The following CNTNAP2 variants were observed in gnomAD, a reference collection of about 807,000 sequenced individuals.
CNTNAP2 encodes contactin associated protein 2, also known as contactin-associated protein-like 2.
In CNTNAP2, 98 loss-of-function variants were observed where a neutral mutation model predicts 155.2. That is an observed-to-expected ratio of 0.63 (90% CI 0.54 to 0.75). CNTNAP2 has a LOEUF of 0.75. CNTNAP2 is among the 30% of genes least tolerant of loss of function. The pLI is 0.00. For missense variants in CNTNAP2, 1,727 were observed against 1,688.1 expected (o/e 1.02, Z -0.40); for synonymous variants, 651 against 631.2 (o/e 1.03, Z -0.47).
chr7:146,508,654 C>G (rs771650793), intron 1 of CNTNAP2, among the ~76,000 whole-genome samples: 3 of 152,204 alleles, frequency 2.0e-5, no homozygotes, highest in Non-Finnish European at 4.4e-5. Flanking sequence ...GTTTCCTAAT[C>G]AAACACAAAA....
chr7:148,160,920 C>G (rs1805521455), intron 17 of CNTNAP2, among the ~76,000 whole-genome samples: 1 of 152,158 alleles, frequency 6.6e-6, no homozygotes. Flanking sequence ...CAGATGTTGA[C>G]ACTTCTACCC....
intron 8 of CNTNAP2, among the ~76,000 whole-genome samples, chr7:147,282,061 G>A (rs553447921): frequency 2.0e-5 from 3 of 151,766 alleles, no homozygotes; most frequent in Non-Finnish European, 4.4e-5. Context: ...GACTTAATTC[G>A]CTCATCCGGC....
chr7:148,115,814 A>G (rs1334382079), intron 15 of CNTNAP2, among the ~76,000 whole-genome samples: 2 of 152,040 alleles, frequency 1.3e-5, no homozygotes, highest in African/African-American at 4.8e-5. Flanking sequence ...ATTTTCTCCT[A>G]CTGAAATCTA....
chr7:148,166,333 C>A (rs555128878), intron 17 of CNTNAP2, among the ~76,000 whole-genome samples: 1 of 152,092 alleles, frequency 6.6e-6, no homozygotes, highest in Admixed American at 6.5e-5. Context: ...TCATAGTAGG[C>A]GTGAAATAAA....
chr7:148,298,908 A>G (rs905606518), intron 21 of CNTNAP2, among the ~76,000 whole-genome samples: 2 of 151,606 alleles, frequency 1.3e-5, no homozygotes, highest in African/African-American at 4.8e-5. Flanking sequence ...TAAGTTGTCT[A>G]TGGCTGGTCT....
At chr7:148,106,624 G>A (rs925829536) in intron 15 of CNTNAP2, among the ~76,000 whole-genome samples, 3 of 151,600 alleles carry the variant, frequency 2.0e-5, no homozygotes, top group Non-Finnish European at 4.4e-5. Flanking sequence ...GCCTCCCAAA[G>A]TGCTGGGATT....
chr7:147,519,847 A>G (rs988714520), intron 11 of CNTNAP2, among the ~76,000 whole-genome samples: 3 of 152,252 alleles, frequency 2.0e-5, no homozygotes, highest in African/African-American at 7.2e-5. Flanking sequence ...CCTGGGCAAC[A>G]GAGTGAGACT....
chr7:147,627,173 G>A (rs1330493989), intron 12 of CNTNAP2, among the ~76,000 whole-genome samples: 2 of 152,154 alleles, frequency 1.3e-5, no homozygotes, highest in Admixed American at 1.3e-4. Flanking sequence ...AACAGCAGAT[G>A]TTGAGTTTCA....
At chr7:147,292,144 C>T (rs1468845090) in intron 8 of CNTNAP2, among the ~76,000 whole-genome samples, 2 of 152,100 alleles carry the variant, frequency 1.3e-5, no homozygotes, top group Non-Finnish European at 2.9e-5. Context: ...CCTCTGTTAG[C>T]CCCCAGGTCC....
intron 18 of CNTNAP2, among the ~76,000 whole-genome samples, chr7:148,196,315 T>C (rs532184417): frequency 1.3e-5 from 2 of 152,266 alleles, no homozygotes; most frequent in South Asian, 2.1e-4. Flanking sequence ...CCAAGTGAAA[T>C]AAATCAATCA....
intron 8 of CNTNAP2, among the ~76,000 whole-genome samples, chr7:147,255,793 G>A (rs1289142451): frequency 2.0e-5 from 3 of 152,116 alleles, no homozygotes; most frequent in East Asian, 1.9e-4. Context: ...CTGGAGTACA[G>A]TAGTGCAATC....
chr7:147,682,497 T>G (rs1319477642), intron 13 of CNTNAP2, among the ~76,000 whole-genome samples: 1 of 151,968 alleles, frequency 6.6e-6, no homozygotes, highest in Non-Finnish European at 1.5e-5. Flanking sequence ...ATTATAGTTA[T>G]TAATTACAAA....
intron 1 of CNTNAP2, among the ~76,000 whole-genome samples, chr7:146,772,807 G>A (rs1185413692): frequency 1.3e-5 from 2 of 152,192 alleles, no homozygotes. Context: ...GGTTGGGCAG[G>A]GGTACTTTGA....
At chr7:147,141,023 C>T (rs898022129) in intron 8 of CNTNAP2, among the ~76,000 whole-genome samples, 2 of 152,144 alleles carry the variant, frequency 1.3e-5, no homozygotes, top group African/African-American at 4.8e-5. Context: ...AATGCTTACA[C>T]TATACCTGTC....
At chr7:147,738,487 A>G (rs965442767) in intron 13 of CNTNAP2, among the ~76,000 whole-genome samples, 2 of 152,194 alleles carry the variant, frequency 1.3e-5, no homozygotes, top group African/African-American at 4.8e-5. Context: ...TCATCAAAAT[A>G]GAGGCAAGAC....
At chr7:146,843,391 C>G (rs1232222458) in intron 3 of CNTNAP2, among the ~76,000 whole-genome samples, 2 of 152,000 alleles carry the variant, frequency 1.3e-5, no homozygotes, top group African/African-American at 2.4e-5. Context: ...AGTCCACCCC[C>G]GTGATCCAAT....
At chr7:146,585,416 G>T (rs189529722) in intron 1 of CNTNAP2, among the ~76,000 whole-genome samples, 12 of 152,082 alleles carry the variant, frequency 7.9e-5, no homozygotes, top group African/African-American at 2.9e-4. Flanking sequence ...TACCGCACCC[G>T]GCCTAAACCT....
At chr7:146,979,111 C>A (rs556260067) in intron 3 of CNTNAP2, among the ~76,000 whole-genome samples, 5 of 152,182 alleles carry the variant, frequency 3.3e-5, no homozygotes, top group African/African-American at 1.2e-4. Context: ...TGACTTTCCC[C>A]CAGTATTGAT....
At chr7:147,366,225 A>C (rs1369362116) in intron 9 of CNTNAP2, among the ~76,000 whole-genome samples, 1 of 152,082 alleles carries the variant, frequency 6.6e-6, no homozygotes, top group African/African-American at 2.4e-5. Context: ...AGTTCATAGG[A>C]TTCTCATTAG....
Sources: gnomAD v4.1 joint callset for allele counts (sites outside exome capture counted in the v4.1 genomes callset) on GRCh38, gnomAD v4.1.1 for gene constraint, MANE v1.5 for transcripts, NCBI Gene and HGNC (gene_info 2026-07-23, HGNC 2026-07-21) for gene names.